Variants in NKAIN2 observed in about 807,000 individuals in gnomAD.
NKAIN2 encodes the protein sodium/potassium transporting ATPase interacting 2, also known as sodium/potassium-transporting ATPase subunit beta-1-interacting protein 2.
In NKAIN2, 14 loss-of-function variants were observed where a neutral mutation model predicts 32.6. The observed-to-expected ratio is 0.43, with a 90% CI of 0.28 to 0.67. The LOEUF is 0.67. Ranked by LOEUF, NKAIN2 falls within the 30% of genes least tolerant of loss-of-function variation. The pLI is 0.17. For synonymous variants in NKAIN2, 80 were observed against 87.2 expected (o/e 0.92, Z 0.46); for missense variants, 198 against 258.3 (o/e 0.77, Z 1.60).
chr6:124,212,694 T>G (rs1791252329), intron 1 of NKAIN2, among the ~76,000 whole-genome samples: 1 of 152,162 alleles, frequency 6.6e-6, no homozygotes, highest in Non-Finnish European at 1.5e-5. Flanking sequence ...GTATGAATTT[T>G]CTAATTTTAG....
chr6:124,400,567 G>A (rs1773582330), intron 3 of NKAIN2, among the ~76,000 whole-genome samples: 1 of 152,174 alleles, frequency 6.6e-6, no homozygotes, highest in Admixed American at 6.5e-5. Flanking sequence ...TGGCAGGAGA[G>A]AAAACTCCCT....
At chr6:123,882,817 A>G (rs1012274014) in intron 1 of NKAIN2, among the ~76,000 whole-genome samples, 4 of 150,116 alleles carry the variant, frequency 2.7e-5, no homozygotes, top group African/African-American at 1.0e-4. Context: ...CCAATTGTTT[A>G]AGGAGAAGAA....
intron 3 of NKAIN2, among the ~76,000 whole-genome samples, chr6:124,454,962 A>G (rs1776262238): frequency 6.6e-6 from 1 of 152,036 alleles, no homozygotes; most frequent in African/African-American, 2.4e-5. Context: ...CTCACAAGCT[A>G]TCAGAAGAAA....
intron 1 of NKAIN2, among the ~76,000 whole-genome samples, chr6:124,151,768 T>C (rs1010954297): frequency 4.6e-5 from 7 of 151,998 alleles, no homozygotes; most frequent in Non-Finnish European, 8.8e-5. Flanking sequence ...TGCTTTTTAA[T>C]ATGCTTATTA....
chr6:124,437,927 A>AT (rs1775529696), intron 3 of NKAIN2: 2 of 339,288 alleles, frequency 5.9e-6, no homozygotes, highest in Non-Finnish European at 5.7e-6. Flanking sequence ...GTAAGTTCTG[A>AT]TTTTCTCAAT....
At chr6:124,616,631 A>AT (rs1224704794) in intron 3 of NKAIN2, among the ~76,000 whole-genome samples, 4 of 150,670 alleles carry the variant, frequency 2.7e-5, no homozygotes, top group East Asian at 2.0e-4. Flanking sequence ...CGCCCGGCTA[A>AT]TTTTTTGTAT....
intron 1 of NKAIN2, among the ~76,000 whole-genome samples, chr6:123,862,688 C>A (rs1582670679): frequency 6.6e-6 from 1 of 152,140 alleles, no homozygotes; most frequent in Admixed American, 6.5e-5. Flanking sequence ...ACTGTTCTTT[C>A]TGCCCACAAT....
chr6:124,116,157 A>G (rs541707117), intron 1 of NKAIN2, among the ~76,000 whole-genome samples: 1 of 152,220 alleles, frequency 6.6e-6, no homozygotes, highest in South Asian at 2.1e-4. Flanking sequence ...CATTTGCTTC[A>G]CTGATGCCAT....
intron 1 of NKAIN2, among the ~76,000 whole-genome samples, chr6:124,189,141 A>C (rs1265517641): frequency 6.6e-6 from 1 of 152,184 alleles, no homozygotes; most frequent in Non-Finnish European, 1.5e-5. Context: ...AGGAAAAAAA[A>C]CGTATTTCTT....
At position 123,804,042 on chromosome 6, in the gene NKAIN2, A is replaced by G. The variant is rs1773104841; in HGVS notation, c.-159A>G. 8.1e-6 allele frequency: 6 copies of G among 742,208 alleles called. No individual in the cohort carries two copies. The highest frequency in any genetic ancestry group is 1.5e-5 in the Non-Finnish European group (6 of 413,512). The allele number at this position is 742,208 out of a possible 1,614,324, so 46.0% of individuals were successfully genotyped here. Reference sequence around the variant, plus strand: ...GCCGCCGCCGCGCCAGCAGGTCCTAATGCCTGTCACTTCCCAGGACGCTGG... The same window carrying G: ...GCCGCCGCCGCGCCAGCAGGTCCTAGTGCCTGTCACTTCCCAGGACGCTGG... On this transcript the variant is annotated 5_prime_UTR_variant, in exon 1 of 7. The change abolishes an upstream ATG in the 5' untranslated region. Coordinates refer to ENST00000368417, the MANE Select transcript of NKAIN2 (RefSeq NM_001040214.3).
chr6:124,621,962 A>G (rs976270809), intron 3 of NKAIN2, among the ~76,000 whole-genome samples: 5 of 152,172 alleles, frequency 3.3e-5, no homozygotes, highest in Non-Finnish European at 5.9e-5. Context: ...CTGAATGTGA[A>G]TAATTAATCT....
At chr6:124,602,102 G>A (rs1047121476) in intron 3 of NKAIN2, among the ~76,000 whole-genome samples, 8 of 151,968 alleles carry the variant, frequency 5.3e-5, no homozygotes, top group East Asian at 3.9e-4. Flanking sequence ...CCTAGCACAT[G>A]ATTAGGACTC....
chr6:124,004,534 T>C (rs1779997403), intron 1 of NKAIN2, among the ~76,000 whole-genome samples: 1 of 151,644 alleles, frequency 6.6e-6, no homozygotes, highest in Non-Finnish European at 1.5e-5. Flanking sequence ...ACTTAAAGAT[T>C]AAAAAAATTT....
In NKAIN2 at chr6:123,946,369, A is replaced by C. The variant is rs145592268; in HGVS notation, c.54+142115A>C. Among the ~76,000 whole-genome samples, 53 of 152,298 alleles carry C rather than the reference A, an allele frequency of 3.5e-4. No individual in the cohort carries two copies. The East Asian group carries it at 7.3e-3, about 21-fold the overall frequency. On this transcript the variant is annotated intron_variant, in intron 1 of 6. Transcript: ENST00000368417. ...TTTGAAGTAATATGCTCTAGTAGGC[A>C]TGATGAGGTAAATGTGATTTAACTG...
chr6:124,599,843 G>A (rs958800821), intron 3 of NKAIN2, among the ~76,000 whole-genome samples: 1 of 151,974 alleles, frequency 6.6e-6, no homozygotes, highest in Non-Finnish European at 1.5e-5. Flanking sequence ...ACATCCCTGG[G>A]GTATGATGAA....
At chr6:124,450,855 T>C (rs1031035726) in intron 3 of NKAIN2, among the ~76,000 whole-genome samples, 15 of 152,092 alleles carry the variant, frequency 9.9e-5, no homozygotes, top group African/African-American at 2.9e-4. Context: ...TTTTAAAAAT[T>C]TGAACTCCAC....
chr6:124,023,560 C>G (rs1236464622), intron 1 of NKAIN2, among the ~76,000 whole-genome samples: 1 of 152,100 alleles, frequency 6.6e-6, no homozygotes, highest in Non-Finnish European at 1.5e-5. Context: ...AATGTTAACT[C>G]ATTGATGTTT....
intron 1 of NKAIN2, among the ~76,000 whole-genome samples, chr6:123,942,729 G>C (rs1032312229): frequency 1.1e-4 from 17 of 151,970 alleles, no homozygotes; most frequent in Non-Finnish European, 1.2e-4. Flanking sequence ...TTCAAGGTTT[G>C]ACTTGTCATC....
intron 4 of NKAIN2, among the ~76,000 whole-genome samples, chr6:124,718,402 A>G (rs6923037): frequency 0.42 from 63,164 of 151,966 alleles, 13,405 homozygotes; most frequent in Admixed American, 0.47. Flanking sequence ...CATAGCATGC[A>G]TCAGTATTTC....
Sources: gnomAD v4.1 joint callset for allele counts (sites outside exome capture counted in the v4.1 genomes callset) on GRCh38, gnomAD v4.1.1 for gene constraint, MANE v1.5 for transcripts, NCBI Gene and HGNC (gene_info 2026-07-23, HGNC 2026-07-21) for gene names.